SPICE1: variants seen among roughly 807,000 people sequenced by gnomAD.
SPICE1 encodes the protein spindle and centriole associated protein 1, also known as spindle and centriole-associated protein 1.
In SPICE1, 75 loss-of-function variants were observed where a neutral mutation model predicts 102.7. The ratio of observed to expected loss-of-function variants is 0.73; its 90% confidence interval spans 0.61 to 0.88. The LOEUF (loss-of-function observed/expected upper bound fraction) is 0.88, where lower values mean the gene tolerates loss of function less well. Among genes scored for constraint, SPICE1 ranks in the 40% least tolerant of loss-of-function variants. The pLI is 0.00. For missense variants in SPICE1, 979 were observed against 1,020.1 expected (o/e 0.96, Z 0.55); for synonymous variants, 308 against 350.3 (o/e 0.88, Z 1.35).
In SPICE1 at chr3:113,494,178, A is replaced by T. The variant is rs1282155558; in HGVS notation, c.292-36T>A. 8 of 1,416,542 alleles carry T rather than the reference A, an allele frequency of 5.6e-6. No individual in the cohort carries two copies. In the Admixed American group the frequency reaches 1.5e-4, roughly 27 times the overall value. The allele number at this position is 1,416,542 out of a possible 1,614,324, so 87.7% of individuals were successfully genotyped here. On this transcript the variant is annotated intron_variant, in intron 4 of 17. Coordinates refer to ENST00000295872, the MANE Select transcript of SPICE1 (RefSeq NM_144718.4). ...GTTAATGACAAATATTATTATTCAG[A>T]TTATATTTACTTTTCAAATCGCAAA...
intron 1 of SPICE1, among the ~76,000 whole-genome samples, chr3:113,511,009 A>G (rs1937210050): frequency 6.6e-6 from 1 of 152,262 alleles, no homozygotes; most frequent in African/African-American, 2.4e-5. Flanking sequence ...CGTATGAAAA[A>G]AAGTCAACAT....
chr3:113,493,298 T>C lies in SPICE1; in HGVS notation c.400A>G (p.Thr134Ala), dbSNP rs749726995. ...PRRRTGFPNV[T>A]VAPDSSQGPI... is the part of the protein sequence containing the mutation. ...CCCTGAGAGGAATCAGGAGCCACTG[T>C]TACATTTGGAAACCCTGCAAAAGGA... is the stretch of plus-strand genomic sequence containing the variant. Residue 134 changes from threonine (T) to alanine (A), a missense_variant, in exon 6 of 18, where the codon ACA (threonine) becomes GCA (alanine). Thr to Ala is a moderately conservative substitution (Grantham distance 58). Coordinates refer to ENST00000295872, the MANE Select transcript of SPICE1 (RefSeq NM_144718.4). 40 of 1,613,784 alleles carry C rather than the reference T, an allele frequency of 2.5e-5. 1 individual carries two copies. In the South Asian group the frequency reaches 3.8e-4, roughly 16 times the overall value.
chr3:113,486,210 C>CAT (rs60309507), intron 7 of SPICE1, among the ~76,000 whole-genome samples: 5,140 of 140,894 alleles, frequency 0.036, 211 homozygotes, highest in African/African-American at 0.094. Context: ...TGACCATTCT[C>CAT]ATATATATAT....
rs187469780 is a variant in SPICE1 at position 113,473,957 on chromosome 3, G to A, written c.612-4719C>T. On this transcript the variant is annotated intron_variant, in intron 7 of 17. Coordinates refer to ENST00000295872, the MANE Select transcript of SPICE1 (RefSeq NM_144718.4). The stretch of plus-strand genomic sequence containing the variant: ...AACAATATTAACTTTAAATGTAAAC[G>A]GACTAAATGCTCCAATTAAAAGGCA... Among the ~76,000 whole-genome samples the A allele has an allele frequency of 4.5e-3, 684 of 152,022 alleles. 5 individuals carry two copies. Among genetic ancestry groups the A allele is most frequent in the African/African-American group, 0.016 (646 of 41,464 alleles).
At chr3:113,451,734 A>G (rs1479013043) in intron 14 of SPICE1, among the ~76,000 whole-genome samples, 6 of 152,160 alleles carry the variant, frequency 3.9e-5, no homozygotes, top group African/African-American at 1.4e-4. Context: ...ATTTACTTAT[A>G]TACACCACTA....
At chr3:113,458,073 G>A (rs909819986) in intron 12 of SPICE1, among the ~76,000 whole-genome samples, 13 of 152,192 alleles carry the variant, frequency 8.5e-5, no homozygotes, top group Non-Finnish European at 1.9e-4. Context: ...TGAGACTCAG[G>A]AAGATATTAC....
At chr3:113,452,208 T>G (rs1935669323) in intron 14 of SPICE1, among the ~76,000 whole-genome samples, 1 of 152,204 alleles carries the variant, frequency 6.6e-6, no homozygotes, top group Non-Finnish European at 1.5e-5. Context: ...ACTCCTGCAC[T>G]ATAAAATGCA....
intron 7 of SPICE1, among the ~76,000 whole-genome samples, chr3:113,476,093 G>C (rs1433500395): frequency 6.6e-6 from 1 of 151,984 alleles, no homozygotes. Flanking sequence ...AAAGTCTCAG[G>C]ATACAAAATC....
rs774345857 is a variant in SPICE1 at position 113,453,506 on chromosome 3, C to A, written c.2102G>T (p.Arg701Leu). 3 of 1,612,810 alleles carry A rather than the reference C, an allele frequency of 1.9e-6. No homozygotes were observed. The highest frequency in any genetic ancestry group is 2.5e-6 in the Non-Finnish European group (3 of 1,179,102). ...TGCACTTTCTTGTTTGTTCAACTCCCGGAGTCCATCCCCTTGCTCTCCTCT... is the reference window on the plus strand; with the variant it reads ...TGCACTTTCTTGTTTGTTCAACTCCAGGAGTCCATCCCCTTGCTCTCCTCT... ...EPRGEQGDGL[R>L]ELNKQESASD... The change falls in exon 14 of 18, where the codon CGG becomes CTG. Residue 701 changes from arginine to leucine, a missense_variant. Coordinates refer to ENST00000295872, the MANE Select transcript of SPICE1 (RefSeq NM_144718.4).
At chr3:113,505,228 T>A (rs1364510152) in intron 2 of SPICE1, among the ~76,000 whole-genome samples, 3 of 152,166 alleles carry the variant, frequency 2.0e-5, no homozygotes, top group African/African-American at 7.2e-5. Context: ...AATGAACCCG[T>A]GCAGCTCAAA....
chr3:113,486,213 AT>A (rs1936644458), intron 7 of SPICE1, among the ~76,000 whole-genome samples: 1 of 81,408 alleles, frequency 1.2e-5, no homozygotes, highest in Non-Finnish European at 2.5e-5. Flanking sequence ...CCATTCTCAT[AT>A]ATATATATAT....
chr3:113,462,934 C>T (rs1331358798), intron 11 of SPICE1, among the ~76,000 whole-genome samples: 1 of 152,146 alleles, frequency 6.6e-6, no homozygotes, highest in African/African-American at 2.4e-5. Flanking sequence ...CTTACCTGAT[C>T]TTGTCTCCTG....
At position 113,506,491 on chromosome 3, in the gene SPICE1, T is replaced by A. The variant is rs1484912729; in HGVS notation, c.99+16A>T. On this transcript the variant is annotated intron_variant, in intron 2 of 17. Transcript: ENST00000295872. ...CAGAGTAATGTTACATTATTTACTA[T>A]CCCACCTATACTCACATCCCATTCT... The A allele has an allele frequency of 6.3e-7, 1 of 1,585,012 alleles. No individual in the cohort carries two copies. Among genetic ancestry groups the A allele is most frequent in the Non-Finnish European group, 8.7e-7 (1 of 1,154,776 alleles).
chr3:113,473,590 G>A lies in SPICE1; in HGVS notation c.612-4352C>T, dbSNP rs896203149. Among the ~76,000 whole-genome samples the A allele has an allele frequency of 1.2e-4, 19 of 152,064 alleles. No homozygotes were observed. The East Asian group carries it at 2.3e-3, about 18-fold the overall frequency. On this transcript the variant is annotated intron_variant, in intron 7 of 17. Coordinates refer to ENST00000295872, the MANE Select transcript of SPICE1 (RefSeq NM_144718.4). Reference sequence around the variant, plus strand: ...CCATCAGACTAACAGCGGATCTCTCGGCAGAAACTCTACAAGCCAGAAGAG... The same window carrying A: ...CCATCAGACTAACAGCGGATCTCTCAGCAGAAACTCTACAAGCCAGAAGAG...
chr3:113,465,743 T>C lies in SPICE1; in HGVS notation c.1197A>G (p.Gln399=). The change falls in exon 11 of 18, where the codon CAA becomes CAG. Residue 399 remains glutamine (Q), a synonymous_variant. Transcript: ENST00000295872. The part of the protein sequence containing the change: ...QLRKEVETRQ[Q]LEQVLGDHRE... ...GATGATCACCTAATACTTGTTCCAG[T>C]TGTTGCCTTGTCTCTACTTCTTTAC... 1 of 1,613,934 alleles carries C rather than the reference T, an allele frequency of 6.2e-7. No individual in the cohort carries two copies. Among genetic ancestry groups the C allele is most frequent in the Non-Finnish European group, 8.5e-7 (1 of 1,179,920 alleles).
chr3:113,497,213 A>G, intron 4 of SPICE1, among the ~76,000 whole-genome samples: 1 of 152,216 alleles, frequency 6.6e-6, no homozygotes, highest in Non-Finnish European at 1.5e-5. Flanking sequence ...TGCTATGGCC[A>G]TTTTGTATTC....
intron 7 of SPICE1, among the ~76,000 whole-genome samples, chr3:113,482,767 T>C (rs1459399120): frequency 1.3e-5 from 2 of 152,212 alleles, no homozygotes; most frequent in Non-Finnish European, 2.9e-5. Context: ...GGTCTACATA[T>C]CTGTTTTGGT....
intron 1 of SPICE1, among the ~76,000 whole-genome samples, chr3:113,510,132 C>A (rs146477773): frequency 6.6e-6 from 1 of 152,234 alleles, no homozygotes; most frequent in Admixed American, 6.5e-5. Flanking sequence ...ACAATTAACC[C>A]TTTTCCCAAA....
rs1389981894 is a variant in SPICE1, at chr3:113,446,589, C to T, written c.2514G>A (p.Lys838=). 3 of 1,612,002 alleles carry T rather than the reference C, an allele frequency of 1.9e-6. No homozygotes were observed. In the South Asian group the frequency reaches 3.3e-5, roughly 18 times the overall value. ...GRFTPLNPRA[K]IEKQNEEGWF... is the part of the protein sequence containing the mutation. ...TTCACAATTACATTTTAACGTGTAC[C>T]TTTGCTCTTGGATTAAGAGGTGTGA... Residue 838 remains lysine, a splice_region_variant and synonymous_variant, in exon 17 of 18, where the codon AAG becomes AAA. Transcript: ENST00000295872.
Sources: gnomAD v4.1 joint callset for allele counts (sites outside exome capture counted in the v4.1 genomes callset) on GRCh38, gnomAD v4.1.1 for gene constraint, MANE v1.5 for transcripts, NCBI Gene and HGNC (gene_info 2026-07-23, HGNC 2026-07-21) for gene names.